Variants in NDEL1 observed in about 807,000 individuals in gnomAD.
NDEL1 encodes the protein nudE neurodevelopment protein 1 like 1, also known as nuclear distribution protein nudE-like 1.
A neutral mutation model predicts 45.7 loss-of-function variants in NDEL1; 9 were observed. That is an observed-to-expected ratio of 0.20 (90% confidence interval 0.12 to 0.34). NDEL1 has a LOEUF of 0.34. Ranked by LOEUF, NDEL1 falls within the 10% of genes least tolerant of loss-of-function variation. The pLI is 1.00. For synonymous variants in NDEL1, 133 were observed against 158.6 expected (o/e 0.84, Z 1.21); for missense variants, 306 against 406.2 (o/e 0.75, Z 2.12).
chr17:8,470,946 A>C (rs1048393905), downstream of NDEL1, among the ~76,000 whole-genome samples: 3 of 152,200 alleles, frequency 2.0e-5, no homozygotes, highest in African/African-American at 7.2e-5. The surrounding 1 kb of genome is among the most constrained non-coding windows in gnomAD (Gnocchi z 4.2). Flanking sequence ...CCAAGGTGGA[A>C]GCTGGCACTT....
chr17:8,448,732 G>A (rs1045110411), intron 5 of NDEL1, 46 bp downstream of exon 5: 1 of 1,550,296 alleles, frequency 6.5e-7, no homozygotes, highest in African/African-American at 1.4e-5. Flanking sequence ...TGAACAACAT[G>A]GGTTTGAATT....
At chr17:8,459,747 T>G (rs1567741163) in intron 7 of NDEL1, among the ~76,000 whole-genome samples, 1 of 152,122 alleles carries the variant, frequency 6.6e-6, no homozygotes, top group Non-Finnish European at 1.5e-5. Context: ...GTACCACACT[T>G]TTTTTAGTTG....
chr17:8,450,554 G>A (rs1413841982), intron 5 of NDEL1, among the ~76,000 whole-genome samples: 1 of 152,144 alleles, frequency 6.6e-6, no homozygotes, highest in African/African-American at 2.4e-5. Context: ...ATAAGCATAA[G>A]TAACTTCTCT....
Position 8,444,362 on chromosome 17 carries a change from TG to T in NDEL1, c.86+6del. The T allele has an allele frequency of 6.2e-7, 1 of 1,603,932 alleles. No homozygotes were observed. The highest frequency in any genetic ancestry group is 8.5e-7 in the Non-Finnish European group (1 of 1,171,752). On this transcript the variant is annotated splice_donor_region_variant and intron_variant, in intron 2 of 8. Transcript: ENST00000334527. ...TTCCTTGAAGTATAAGCAAAGGTAA[TG>T]TTGGAAAGCACACTAAAAGTAGGGG... is the stretch of plus-strand genomic sequence containing the variant.
At chr17:8,458,749 C>CA (rs1198867725) in intron 7 of NDEL1, among the ~76,000 whole-genome samples, 8 of 151,970 alleles carry the variant, frequency 5.3e-5, no homozygotes, top group Admixed American at 1.3e-4. Context: ...TTTTTTGAGA[C>CA]AGAGTCTCAC....
intron 7 of NDEL1, 136 bp from the exon 8 acceptor site, chr17:8,459,873 A>G: frequency 1.2e-6 from 1 of 834,738 alleles, no homozygotes; most frequent in Non-Finnish European, 1.9e-6. Flanking sequence ...AAGTTGATTG[A>G]TTATGGCTGA....
chr17:8,426,030 T>A (rs1343415872), intron 1 of NDEL1, among the ~76,000 whole-genome samples: 2 of 152,236 alleles, frequency 1.3e-5, no homozygotes, highest in Non-Finnish European at 2.9e-5. Context: ...CCTCAAGTGA[T>A]CCTCCCACCT....
At chr17:8,447,306 C>G (rs1352062828) in intron 4 of NDEL1, among the ~76,000 whole-genome samples, 1 of 152,150 alleles carries the variant, frequency 6.6e-6, no homozygotes, top group Non-Finnish European at 1.5e-5. Context: ...CCACACCCAG[C>G]TAATTTTTGT....
chr17:8,472,741 TAAAAAC>T (rs1234476038), downstream of NDEL1, among the ~76,000 whole-genome samples: 1 of 151,424 alleles, frequency 6.6e-6, no homozygotes, highest in Non-Finnish European at 1.5e-5. Context: ...AGAAAATAAA[TAAAAAC>T]AACAACAAAA....
intron 5 of NDEL1, among the ~76,000 whole-genome samples, chr17:8,450,340 G>A (rs1040305329): frequency 6.7e-6 from 1 of 150,366 alleles, no homozygotes; most frequent in Non-Finnish European, 1.5e-5. Context: ...AATTTAAACC[G>A]TTCTGAATAC....
chr17:8,462,392 A>G (rs367706111), intron 8 of NDEL1, among the ~76,000 whole-genome samples: 1 of 152,092 alleles, frequency 6.6e-6, no homozygotes, highest in Non-Finnish European at 1.5e-5. Flanking sequence ...TCCTGAGGAT[A>G]ACTCTTTTGT....
chr17:8,454,700 T>C (rs1160337915), intron 6 of NDEL1, 96 bp from the exon 7 acceptor site: 12 of 822,562 alleles, frequency 1.5e-5, no homozygotes, highest in East Asian at 7.4e-5. Flanking sequence ...TTTGTTGATA[T>C]TGTATTGAGT....
At chr17:8,461,981 G>C (rs1368092372) in intron 8 of NDEL1, among the ~76,000 whole-genome samples, 3 of 151,970 alleles carry the variant, frequency 2.0e-5, no homozygotes, top group Admixed American at 2.0e-4. Flanking sequence ...CGCTACTCCT[G>C]CCCGCCACTT....
chr17:8,466,309 ATG>A (rs1342413762), intron 8 of NDEL1: 1 of 152,212 alleles, frequency 6.6e-6, no homozygotes, highest in Non-Finnish European at 1.5e-5. Flanking sequence ...GTATATATAT[ATG>A]TGTATGCGTA....
chr17:8,458,548 CTGTG>C (rs112741158), intron 7 of NDEL1, among the ~76,000 whole-genome samples: 32 of 150,042 alleles, frequency 2.1e-4, no homozygotes, highest in African/African-American at 6.9e-4. Context: ...TCAATTTCTA[CTGTG>C]TGTGTGTGTG....
At chr17:8,433,781 G>C (rs976769438), upstream of NDEL1, among the ~76,000 whole-genome samples, 3 of 152,054 alleles carry the variant, frequency 2.0e-5, no homozygotes, top group African/African-American at 7.3e-5. Flanking sequence ...TTCCCAGAGT[G>C]CTGGGATTAC....
At chr17:8,419,686 A>G (rs113857318) in intron 1 of NDEL1, among the ~76,000 whole-genome samples, 201 of 152,108 alleles carry the variant, frequency 1.3e-3, no homozygotes, top group African/African-American at 4.6e-3. Context: ...TTTTTGGGGG[A>G]AAAAGGAAAA....
At chr17:8,453,497 G>T (rs1196905569) in intron 6 of NDEL1, among the ~76,000 whole-genome samples, 1 of 152,094 alleles carries the variant, frequency 6.6e-6, no homozygotes, top group Non-Finnish European at 1.5e-5. Context: ...GGCTGAACTG[G>T]ATTTGAATAC....
intron 4 of NDEL1, 72 bp downstream of exon 4, chr17:8,446,974 C>T (rs1194053116): frequency 2.0e-6 from 3 of 1,520,802 alleles, no homozygotes; most frequent in East Asian, 2.4e-5. Context: ...TTATTAGGCT[C>T]TTCCCCTAGA....
Sources: allele counts gnomAD v4.1 joint callset (sites outside exome capture counted in the v4.1 genomes callset), GRCh38; gene constraint gnomAD v4.1.1; non-coding constraint Gnocchi (gnomAD v3.1); transcripts MANE v1.5; gene names NCBI Gene and HGNC (gene_info 2026-07-23, HGNC 2026-07-21).